The following ADGRL2 variants were observed in gnomAD, a reference collection of about 807,000 sequenced individuals.
ADGRL2 encodes adhesion G protein-coupled receptor L2, also known as calcium-independent alpha-latrotoxin receptor 2.
In ADGRL2, 44 loss-of-function variants were observed where a neutral mutation model predicts 157.4. The ratio of observed to expected loss-of-function variants is 0.28; its 90% CI spans 0.22 to 0.36. The LOEUF (loss-of-function observed/expected upper bound fraction) is 0.36, where lower values mean the gene tolerates loss of function less well. ADGRL2 is among the 10% of genes least tolerant of loss of function. The pLI is 1.00. For missense variants in ADGRL2, 1,510 were observed against 1,768.9 expected (o/e 0.85, Z 2.63); for synonymous variants, 585 against 624.7 (o/e 0.94, Z 0.95).
chr1:81,641,788 A>T (rs1230481982), intron 3 of ADGRL2, among the ~76,000 whole-genome samples: 1 of 152,180 alleles, frequency 6.6e-6, no homozygotes, highest in East Asian at 1.9e-4. Flanking sequence ...ATGAAGAGCA[A>T]ATGAAATCCA....
intron 3 of ADGRL2, among the ~76,000 whole-genome samples, chr1:81,622,576 G>A (rs1000746537): frequency 1.2e-4 from 18 of 151,734 alleles, no homozygotes; most frequent in Non-Finnish European, 1.5e-4. Flanking sequence ...GTGAGACCCC[G>A]TCTCAAAACA....
chr1:81,458,684 A>G (rs754828102), intron 2 of ADGRL2, among the ~76,000 whole-genome samples: 19 of 152,300 alleles, frequency 1.2e-4, no homozygotes, highest in Non-Finnish European at 2.1e-4. Context: ...GTTGGGCACC[A>G]GTGTTTAGAT....
At chr1:81,384,512 C>T (rs1033280124) in intron 1 of ADGRL2, among the ~76,000 whole-genome samples, 7 of 152,042 alleles carry the variant, frequency 4.6e-5, no homozygotes, top group African/African-American at 9.7e-5. Context: ...GTGCTTTTAC[C>T]TATCATTTAA....
At chr1:81,511,519 C>T (rs2079077359) in intron 2 of ADGRL2, among the ~76,000 whole-genome samples, 1 of 151,960 alleles carries the variant, frequency 6.6e-6, no homozygotes, top group South Asian at 2.1e-4. Context: ...TTTAACATAT[C>T]AGTTCTCTCA....
chr1:81,785,036 A>G lies in ADGRL2; in HGVS notation c.-101+23184A>G, dbSNP rs962821051. The stretch of plus-strand genomic sequence containing the variant: ...TGAGAAGTGACTTGCTTAGTGGGGG[A>G]AAAAAAAGAGAAAATTTCTATTACG... On this transcript the variant is annotated intron_variant, in intron 2 of 20. Transcript: ENST00000359929. Among the ~76,000 whole-genome samples, 7 of 151,940 alleles carry G rather than the reference A, an allele frequency of 4.6e-5. 1 individual carries two copies. In the South Asian group the frequency reaches 8.4e-4, roughly 18 times the overall value.
chr1:81,688,311 C>G (rs922489051), intron 3 of ADGRL2, among the ~76,000 whole-genome samples: 3 of 152,036 alleles, frequency 2.0e-5, no homozygotes, highest in African/African-American at 7.2e-5. Flanking sequence ...ACCAATTATT[C>G]TTAGGTTTGG....
chr1:81,828,406 TG>T (rs1381360355), intron 1 of ADGRL2, among the ~76,000 whole-genome samples: 7 of 152,306 alleles, frequency 4.6e-5, no homozygotes, highest in African/African-American at 1.4e-4. Context: ...TCATTGGAAA[TG>T]TTTTTTTTTA....
In ADGRL2 at chr1:81,624,303, G is replaced by A. The variant is rs557234825; in HGVS notation, c.-143+43323G>A. On this transcript the variant is annotated intron_variant, in intron 3 of 24. Coordinates refer to the ADGRL2 transcript ENST00000370721. ...TTAAAAGTAATACAGTTATCTGGCC[G>A]GGTGCGGTGGCTCACGCCTGTAATC... Among the ~76,000 whole-genome samples, 336 of 152,268 alleles carry A rather than the reference G, an allele frequency of 2.2e-3. 1 individual carries two copies. Among genetic ancestry groups the A allele is most frequent in the Non-Finnish European group, 4.4e-4 (30 of 68,012 alleles).
At chr1:81,713,541 G>A (rs535097498) in intron 1 of ADGRL2, among the ~76,000 whole-genome samples, 3 of 152,254 alleles carry the variant, frequency 2.0e-5, no homozygotes, top group East Asian at 1.9e-4. Context: ...TTTGAGTATC[G>A]ACCATGTGCT....
At chr1:81,942,152 G>A in intron 5 of ADGRL2, 107 bp downstream of exon 5, 2 of 504,548 alleles carry the variant, frequency 4.0e-6, no homozygotes, top group South Asian at 3.7e-5. Context: ...ATAATCAGCA[G>A]GATCTCATAA....
intron 1 of ADGRL2, among the ~76,000 whole-genome samples, chr1:81,378,253 T>G (rs1164036047): frequency 6.6e-6 from 1 of 151,880 alleles, no homozygotes; most frequent in African/African-American, 2.4e-5. Context: ...GGTTTTGTCA[T>G]CAAGGTGTCC....
Position 81,970,511 on chromosome 1 carries a change from T to C in ADGRL2, c.2931T>C (p.Tyr977=). The C allele has an allele frequency of 6.3e-7, 1 of 1,599,788 alleles. No homozygotes were observed. The highest frequency in any genetic ancestry group is 1.8e-5 in the Admixed American group (1 of 55,980). ...TTGGAGTTTCAGCTGCTATTGACTA[T>C]AAGAGCTATGGAACAGAAAAAGCGT... ...TVVGVSAAID[Y]KSYGTEKACW... is the part of the protein sequence containing the mutation. The change falls in exon 16 of 24, where the codon TAT becomes TAC. Residue 977 remains tyrosine, a synonymous_variant. Transcript: ENST00000686636.
chr1:81,802,621 T>G (rs1432836995), intron 1 of ADGRL2, among the ~76,000 whole-genome samples: 1 of 152,038 alleles, frequency 6.6e-6, no homozygotes, highest in Non-Finnish European at 1.5e-5. Flanking sequence ...GTCCTTTCAC[T>G]GGGGGCCTGG....
intron 1 of ADGRL2, among the ~76,000 whole-genome samples, chr1:81,344,823 T>A (rs1450852420): frequency 6.6e-6 from 1 of 152,182 alleles, no homozygotes; most frequent in Non-Finnish European, 1.5e-5. Flanking sequence ...ATGCTATTGA[T>A]CAAGTGAAGT....
At chr1:81,307,525 T>C (rs1480810729) in intron 1 of ADGRL2, among the ~76,000 whole-genome samples, 1 of 152,202 alleles carries the variant, frequency 6.6e-6, no homozygotes, top group East Asian at 1.9e-4. Flanking sequence ...TCTTTGAAAG[T>C]ACTCCTTATT....
At position 81,943,839 on chromosome 1, in the gene ADGRL2, A is replaced by AT. The variant is rs895288478; in HGVS notation, c.1210+79dup. ...CATTTTTCTTTTTAAAGACTTCTTA[A>AT]TTTTTTTTTCCTATTTTCTTCCCCT... On this transcript the variant is annotated intron_variant, in intron 6 of 23. Transcript: ENST00000686636. The surrounding 1 kb of genome is among the most constrained non-coding windows in gnomAD (Gnocchi z 5.6). 2.6e-4 allele frequency: 328 copies of AT among 1,245,512 alleles called. No individual in the cohort carries two copies. Among genetic ancestry groups the AT allele is most frequent in the Admixed American group, 3.4e-4 (15 of 44,602 alleles). 77.2% of individuals were successfully genotyped at this position (1,245,512 alleles called of 1,614,324 possible).
chr1:81,391,791 G>T (rs1256879476), intron 1 of ADGRL2, among the ~76,000 whole-genome samples: 1 of 152,164 alleles, frequency 6.6e-6, no homozygotes. Context: ...TTTTTTTCTG[G>T]AAATAAGAAA....
chr1:81,330,526 T>C lies in ADGRL2; in HGVS notation c.-302+24017T>C, dbSNP rs539526704. 6.0e-4 allele frequency among the ~76,000 whole-genome samples: 92 copies of C among 152,296 alleles called. 1 individual carries two copies. Among genetic ancestry groups the C allele is most frequent in the Non-Finnish European group, 9.6e-4 (65 of 67,998 alleles). On this transcript the variant is annotated intron_variant, in intron 1 of 24. Transcript: ENST00000370721. ...TTACTTGATCAGAGTCAAAGTATGC[T>C]TCAGGGGCTACTTATCTGGAGAATT... is the stretch of plus-strand genomic sequence containing the variant.
chr1:81,817,060 C>T (rs1399799333), intron 1 of ADGRL2, among the ~76,000 whole-genome samples: 1 of 150,830 alleles, frequency 6.6e-6, no homozygotes, highest in South Asian at 2.1e-4. Context: ...AATAAATGAA[C>T]GTTATACCCT....
Sources: allele counts gnomAD v4.1 joint callset (sites outside exome capture counted in the v4.1 genomes callset), GRCh38; gene constraint gnomAD v4.1.1; non-coding constraint Gnocchi (gnomAD v3.1); transcripts MANE v1.5; gene names NCBI Gene and HGNC (gene_info 2026-07-23, HGNC 2026-07-21).